FGF13: variants seen among roughly 807,000 people sequenced by gnomAD.
FGF13 encodes fibroblast growth factor homologous factor 2.
In FGF13, 2 loss-of-function variants were observed where a neutral mutation model predicts 19.5. The ratio of observed to expected loss-of-function variants is 0.10; its 90% CI spans 0.04 to 0.32. FGF13 has a LOEUF of 0.32. Ranked by LOEUF, FGF13 falls within the 10% of genes least tolerant of loss-of-function variation. The pLI is 1.00. For synonymous variants in FGF13, 72 were observed against 76.9 expected (o/e 0.94, Z 0.33); for missense variants, 113 against 192.7 (o/e 0.59, Z 2.45).
intron 1 of FGF13, among the ~76,000 whole-genome samples, chrX:139,168,069 G>A (rs962408348): frequency 2.7e-5 from 3 of 111,960 alleles, no homozygotes; most frequent in Non-Finnish European, 3.8e-5. Flanking sequence ...ATGGTTTATA[G>A]ATGCATGCTA....
chrX:139,079,208 C>T (rs1334741134), intron 1 of FGF13, among the ~76,000 whole-genome samples: 1 of 111,284 alleles, frequency 9.0e-6, no homozygotes, highest in East Asian at 2.8e-4. Context: ...GAGCAGAAAG[C>T]ATACCCTATT....
At chrX:138,899,852 T>C (rs1027889654) in intron 1 of FGF13, among the ~76,000 whole-genome samples, 5 of 111,613 alleles carry the variant, frequency 4.5e-5, no homozygotes, top group African/African-American at 1.6e-4. Flanking sequence ...ATTAGAAGCA[T>C]GAAGCAGACA....
chrX:138,984,582 A>AGG (rs2091982010), intron 1 of FGF13, among the ~76,000 whole-genome samples: 2 of 34,878 alleles, frequency 5.7e-5, no homozygotes, highest in African/African-American at 2.2e-4. Flanking sequence ...GAAGAAGAAG[A>AGG]AGAAGAAGGA....
intron 1 of FGF13, among the ~76,000 whole-genome samples, chrX:139,084,664 T>C (rs1177432101): frequency 8.9e-6 from 1 of 111,987 alleles, no homozygotes; most frequent in African/African-American, 3.3e-5. Context: ...TGCCTTCCCA[T>C]AGTCCCCAGC....
chrX:139,108,664 A>ATT (rs981820952), intron 1 of FGF13, among the ~76,000 whole-genome samples: 2 of 110,155 alleles, frequency 1.8e-5, no homozygotes, highest in African/African-American at 6.6e-5. Context: ...TTATATATAT[A>ATT]TTTTTTTTAA....
intron 1 of FGF13, among the ~76,000 whole-genome samples, chrX:139,176,425 T>C (rs1254560436): frequency 9.4e-6 from 1 of 105,885 alleles, no homozygotes; most frequent in East Asian, 3.0e-4. Flanking sequence ...TCTGCTCTGA[T>C]CCTATTCACT....
intron 1 of FGF13, among the ~76,000 whole-genome samples, chrX:138,966,285 C>T (rs185427954): frequency 2.7e-4 from 30 of 112,014 alleles, no homozygotes; most frequent in Admixed American, 2.1e-3. Flanking sequence ...GTACTGTGCA[C>T]GTGGAAAAGC....
In FGF13 at chrX:139,056,127, A is replaced by ATGTT. The variant is rs748550752; in HGVS notation, c.-113+147288_-113+147289insAACA. On this transcript the variant is annotated intron_variant, in intron 1 of 2. Transcript: ENST00000421460. ...CCTGCCACTTTTGTTCCTAGACAAC[A>ATGTT]GCCTTCTCCAGCAAAGAATCTAAAA... is the stretch of plus-strand genomic sequence containing the variant. Among the ~76,000 whole-genome samples, 75 of 112,647 alleles carry ATGTT rather than the reference A, an allele frequency of 6.7e-4. 1 individual carries two copies. Among genetic ancestry groups the ATGTT allele is most frequent in the Non-Finnish European group, 4.9e-4 (26 of 53,340 alleles).
chrX:138,642,184 G>A (rs1364008701), intron 3 of FGF13, among the ~76,000 whole-genome samples: 1 of 100,406 alleles, frequency 1.0e-5, no homozygotes. Flanking sequence ...AAAGGGGAAG[G>A]AGGGGAGGTA....
At chrX:138,879,983 A>C (rs145013285) in intron 1 of FGF13, among the ~76,000 whole-genome samples, 27 of 111,968 alleles carry the variant, frequency 2.4e-4, no homozygotes, top group African/African-American at 8.2e-4. Context: ...CAAATTTACA[A>C]GAAAAAAACA....
intron 3 of FGF13, among the ~76,000 whole-genome samples, chrX:138,759,374 C>T (rs998133616): frequency 1.2e-4 from 13 of 112,472 alleles, no homozygotes; most frequent in East Asian, 8.4e-4. Context: ...TGAGAGGGAG[C>T]TATTTATAGT....
chrX:138,989,634 C>G (rs2092006970), intron 1 of FGF13, among the ~76,000 whole-genome samples: 1 of 110,134 alleles, frequency 9.1e-6, no homozygotes, highest in South Asian at 3.9e-4. Context: ...GACATCTAAC[C>G]ATAATAGGAG....
At chrX:138,982,474 G>A (rs181283945) in intron 1 of FGF13, among the ~76,000 whole-genome samples, 32 of 112,009 alleles carry the variant, frequency 2.9e-4, no homozygotes, top group Admixed American at 1.4e-3. Context: ...CAGCTCAGAA[G>A]GTGTGTATTT....
Position 138,778,587 on chromosome X carries a change from G to A in FGF13, c.218-69659C>T, listed in dbSNP as rs781206351. On this transcript the variant is annotated intron_variant, in intron 3 of 6. Transcript: ENST00000436198. ...ACCTGGAAAATCGGGTCTCTCCCAC[G>A]CTAACACTGCGCTTTTCCGACAGGC... is the stretch of plus-strand genomic sequence containing the variant. Among the ~76,000 whole-genome samples the A allele has an allele frequency of 1.2e-4, 13 of 112,240 alleles. No homozygotes were observed. The South Asian group carries it at 2.6e-3, about 23-fold the overall frequency.
intron 3 of FGF13, among the ~76,000 whole-genome samples, chrX:138,670,624 G>A (rs1399127225): frequency 9.0e-6 from 1 of 111,669 alleles, no homozygotes; most frequent in Non-Finnish European, 1.9e-5. Flanking sequence ...GTAGATATAT[G>A]TGTATATATA....
chrX:138,791,238 T>C (rs1157948374), intron 3 of FGF13, among the ~76,000 whole-genome samples: 2 of 112,046 alleles, frequency 1.8e-5, no homozygotes, highest in African/African-American at 3.2e-5. Context: ...CACCATCTTA[T>C]ATAGGGCACT....
chrX:139,073,279 T>C (rs2092382726), intron 1 of FGF13, among the ~76,000 whole-genome samples: 1 of 110,221 alleles, frequency 9.1e-6, no homozygotes, highest in African/African-American at 3.3e-5. Context: ...TCTTTTGAAA[T>C]CAGATAGAGC....
chrX:138,846,518 T>C (rs1278096316), intron 3 of FGF13, among the ~76,000 whole-genome samples: 1 of 111,916 alleles, frequency 8.9e-6, no homozygotes, highest in East Asian at 2.8e-4. Flanking sequence ...GGACAGACTA[T>C]CGTAAAAAGG....
intron 1 of FGF13, among the ~76,000 whole-genome samples, chrX:139,106,008 C>T (rs1243212733): frequency 8.9e-6 from 1 of 112,013 alleles, no homozygotes; most frequent in Non-Finnish European, 1.9e-5. Flanking sequence ...TGTGGAGAGG[C>T]ATTTGGTTGA....
Sources: allele counts gnomAD v4.1 joint callset (sites outside exome capture counted in the v4.1 genomes callset), GRCh38; gene constraint gnomAD v4.1.1; transcripts MANE v1.5; gene names NCBI Gene and HGNC (gene_info 2026-07-23, HGNC 2026-07-21).